The following POGZ variants were observed in gnomAD, a reference collection of about 807,000 sequenced individuals.
The protein encoded by POGZ is pogo transposable element derived with ZNF domain.
A neutral mutation model predicts 134.6 loss-of-function variants in POGZ; 17 were observed. The ratio of observed to expected loss-of-function variants is 0.13; its 90% CI spans 0.09 to 0.19. The LOEUF (loss-of-function observed/expected upper bound fraction) is 0.19, where lower values mean the gene tolerates loss of function less well. POGZ is among the 10% of genes least tolerant of loss of function. POGZ has a pLI of 1.00. For synonymous variants in POGZ, 693 were observed against 657.1 expected (o/e 1.05, Z -0.84); for missense variants, 1,306 against 1,769.7 (o/e 0.74, Z 4.70).
chr1:151,412,208 G>T lies in POGZ; in HGVS notation c.1779+88C>A, dbSNP rs1419260464. The T allele has an allele frequency of 1.0e-5, 7 of 699,588 alleles. No homozygotes were observed. The African/African-American group carries it at 1.2e-4, about 12-fold the overall frequency. 43.3% of individuals were successfully genotyped at this position (699,588 alleles called of 1,614,324 possible). On this transcript the variant is annotated intron_variant, in intron 11 of 18. Transcript: ENST00000271715. Reference sequence around the variant, plus strand: ...AGAGTTCCTAAACTGAGTGTATGCAGTAGGTGGTCAACAATATTCATTAGT... The same window carrying T: ...AGAGTTCCTAAACTGAGTGTATGCATTAGGTGGTCAACAATATTCATTAGT...
intron 10 of POGZ, among the ~76,000 whole-genome samples, chr1:151,416,136 A>G (rs1655606312): frequency 7.4e-6 from 1 of 134,962 alleles, no homozygotes; most frequent in African/African-American, 2.7e-5. Flanking sequence ...TGAACCTGTG[A>G]CGCGGAGGTT....
intron 11 of POGZ, among the ~76,000 whole-genome samples, chr1:151,412,002 T>C (rs1654773423): frequency 6.6e-6 from 1 of 152,210 alleles, no homozygotes; most frequent in African/African-American, 2.4e-5. Flanking sequence ...CCATGTTCTC[T>C]AACTAAGAAA....
chr1:151,457,193 C>T (rs1054100772), intron 1 of POGZ, among the ~76,000 whole-genome samples: 1 of 152,138 alleles, frequency 6.6e-6, no homozygotes, highest in Non-Finnish European at 1.5e-5. Context: ...AGGTTCGTCC[C>T]AAGAGTCCAT....
rs552471692 is a variant in POGZ, at chr1:151,454,881, G to A, written c.-2+4271C>T. The A allele has an allele frequency of 2.7e-3, 418 of 152,296 alleles. 8 individuals carry two copies. The highest frequency in any genetic ancestry group is 8.3e-4 in the South Asian group (4 of 4,826). 9.4% of individuals were successfully genotyped at this position (152,296 alleles called of 1,614,324 possible). ...TCCCAGCACTTTGGGAGGCCAAGGC[G>A]GGTCGATCAAGAGGTCAGGAGTTTG... On this transcript the variant is annotated intron_variant, in intron 1 of 18. Transcript: ENST00000271715.
intron 10 of POGZ, among the ~76,000 whole-genome samples, chr1:151,413,672 T>G (rs1655115708): frequency 7.0e-6 from 1 of 142,854 alleles, no homozygotes; most frequent in South Asian, 2.5e-4. Context: ...TTTTTTTAAC[T>G]ACCGAGAACC....
At position 151,404,795 on chromosome 1, in the gene POGZ, C is replaced by T. The variant is rs1423218622; in HGVS notation, c.*7G>A. ...CCTCACTCCACACCCCCTCATGACC[C>T]CAACACTCAAATCTCCATCAGATCT... is the stretch of plus-strand genomic sequence containing the variant. On this transcript the variant is annotated 3_prime_UTR_variant, in exon 19 of 19. Coordinates refer to ENST00000271715, the MANE Select transcript of POGZ (RefSeq NM_015100.4). 7 of 1,592,458 alleles carry T rather than the reference C, an allele frequency of 4.4e-6. No homozygotes were observed. The highest frequency in any genetic ancestry group is 5.1e-6 in the Non-Finnish European group (6 of 1,168,398).
At chr1:151,436,581 T>C (rs1374840320) in intron 3 of POGZ, among the ~76,000 whole-genome samples, 2 of 152,192 alleles carry the variant, frequency 1.3e-5, no homozygotes, top group Admixed American at 6.5e-5. Flanking sequence ...ATAGCTGGGA[T>C]TGCAGGCATG....
chr1:151,443,494 C>T (rs1466781341), intron 1 of POGZ, among the ~76,000 whole-genome samples: 1 of 152,126 alleles, frequency 6.6e-6, no homozygotes, highest in African/African-American at 2.4e-5. Flanking sequence ...GAGGTCGGAT[C>T]ACCTGAGATC....
chr1:151,413,491 T>C (rs1160184918), intron 10 of POGZ, among the ~76,000 whole-genome samples: 1 of 152,030 alleles, frequency 6.6e-6, no homozygotes, highest in Admixed American at 6.6e-5. Context: ...AAGAGAGAGA[T>C]TATTTACATT....
chr1:151,446,483 C>T (rs1312021334), intron 1 of POGZ, among the ~76,000 whole-genome samples: 6 of 152,068 alleles, frequency 3.9e-5, no homozygotes, highest in Non-Finnish European at 5.9e-5. Flanking sequence ...CGGCCGGGCG[C>T]GGTTGCTCAC....
chr1:151,452,683 G>A (rs1242837810), intron 1 of POGZ, among the ~76,000 whole-genome samples: 1 of 151,938 alleles, frequency 6.6e-6, no homozygotes, highest in Non-Finnish European at 1.5e-5. Flanking sequence ...GGCCAACACA[G>A]TGAAACCCCG....
Position 151,442,193 on chromosome 1 carries a change from G to A in POGZ, c.12C>T (p.Thr4=), listed in dbSNP as rs574654599. MAD[T]DLFMECEEEE... The stretch of plus-strand genomic sequence containing the variant: ...CCTCCTCACATTCCATGAACAGGTC[G>A]GTGTCCGCCATGCTATAAGAAAAAC... The change falls in exon 2 of 19, where the codon ACC becomes ACT. Residue 4 remains threonine (T), a synonymous_variant. Coordinates refer to ENST00000271715, the MANE Select transcript of POGZ (RefSeq NM_015100.4). The A allele has an allele frequency of 6.8e-6, 11 of 1,612,888 alleles. No homozygotes were observed. In the South Asian group the frequency reaches 8.8e-5, roughly 13 times the overall value.
chr1:151,416,017 C>G (rs1275976853), intron 10 of POGZ, among the ~76,000 whole-genome samples: 1 of 151,474 alleles, frequency 6.6e-6, no homozygotes, highest in Non-Finnish European at 1.5e-5. Context: ...AGTTCAAGAC[C>G]AGCCTGGCCA....
intron 10 of POGZ, among the ~76,000 whole-genome samples, chr1:151,420,396 A>G (rs1656684675): frequency 6.6e-6 from 1 of 152,082 alleles, no homozygotes; most frequent in Non-Finnish European, 1.5e-5. Flanking sequence ...GGTTCACTCT[A>G]GCCTTGACCT....
In POGZ at chr1:151,407,220, T is replaced by A. The variant is rs1236577907; in HGVS notation, c.2432+15A>T. ...ACCTGAAAAATTAAGATGCTGCCAA[T>A]AAGTTTTTTCTTACCTCACAGAATT... On this transcript the variant is annotated intron_variant, in intron 16 of 18. Transcript: ENST00000271715. The A allele has an allele frequency of 6.4e-7, 1 of 1,568,938 alleles. No individual in the cohort carries two copies. The highest frequency in any genetic ancestry group is 8.7e-7 in the Non-Finnish European group (1 of 1,147,580).
At chr1:151,414,866 C>A (rs1036331743) in intron 10 of POGZ, among the ~76,000 whole-genome samples, 2 of 152,148 alleles carry the variant, frequency 1.3e-5, no homozygotes, top group Non-Finnish European at 2.9e-5. Flanking sequence ...TTTAAGAGAT[C>A]TCTGGTAACC....
Position 151,405,698 on chromosome 1 carries a change from G to A in POGZ, c.3337C>T (p.His1113Tyr), listed in dbSNP as rs1259887848. ...ATAGACAAGGGTAAGTCCTGGTTGT[G>A]AATCTGCCGTTGTACAAAATCAATG... ...LFIDFVQRQI[H>Y]NQDLPLSMIV... The change falls in exon 19 of 19, where the codon CAC becomes TAC. Residue 1113 changes from histidine (H) to tyrosine (Y), a missense_variant. Physicochemically the swap from His to Tyr is moderately conservative, Grantham distance 83 (BLOSUM62 2). This residue lies in a region of POGZ where 161 missense variants were observed against 185.4 expected (regional missense o/e 0.87). Transcript: ENST00000271715. The surrounding 1 kb of genome is among the most constrained non-coding windows in gnomAD (Gnocchi z 4.9). 1.2e-6 allele frequency: 2 copies of A among 1,614,192 alleles called. No individual in the cohort carries two copies. The highest frequency in any genetic ancestry group is 1.7e-6 in the Non-Finnish European group (2 of 1,180,022).
Position 151,404,947 on chromosome 1 carries a change from T to G in POGZ, c.4088A>C (p.His1363Pro). ...GGGTCGTGGAGTGGAAGACTCAGAA[T>G]GTTCCCCACTCAGCTTCAGTTGCTC... is the stretch of plus-strand genomic sequence containing the variant. ...LEEQLKLSGE[H>P]SESSTPRPRS... The change falls in exon 19 of 19, where the codon CAT becomes CCT. Residue 1363 changes from histidine to proline, a missense_variant. Physicochemically the swap from His to Pro is moderately conservative, Grantham distance 77 (BLOSUM62 -2). Around this residue, in one of 10 missense-constraint regions of POGZ, gnomAD observed 107 missense variants for 97.9 expected, o/e 1.09. Coordinates refer to ENST00000271715, the MANE Select transcript of POGZ (RefSeq NM_015100.4). The G allele has an allele frequency of 6.2e-7, 1 of 1,614,170 alleles. No individual in the cohort carries two copies. The highest frequency in any genetic ancestry group is 8.5e-7 in the Non-Finnish European group (1 of 1,180,030).
chr1:151,408,721 C>A lies in POGZ; in HGVS notation c.2034G>T (p.Gln678His). 6.2e-7 allele frequency: 1 copy of A among 1,614,054 alleles called. No homozygotes were observed. Among genetic ancestry groups the A allele is most frequent in the Non-Finnish European group, 8.5e-7 (1 of 1,180,006 alleles). The change falls in exon 13 of 19, where the codon CAG becomes CAT. Residue 678 changes from glutamine (Q) to histidine (H), a missense_variant. By Grantham distance (24) the Gln-to-His change is conservative. Around this residue, in one of 10 missense-constraint regions of POGZ, gnomAD observed 149 missense variants for 237.5 expected, o/e 0.63. Coordinates refer to ENST00000271715, the MANE Select transcript of POGZ (RefSeq NM_015100.4). ...TGGTGCCTGGTTTCAAGCCCTCCAGCTGCTTGGGTTTACGGAAGGTTTTAT... is the reference window on the plus strand; with the variant it reads ...TGGTGCCTGGTTTCAAGCCCTCCAGATGCTTGGGTTTACGGAAGGTTTTAT... ...QHHKTFRKPK[Q>H]LEGLKPGTKV...
Sources: gnomAD v4.1 joint callset for allele counts (sites outside exome capture counted in the v4.1 genomes callset) on GRCh38, gnomAD v4.1.1 for gene constraint, gnomAD v4.1.1 regional missense constraint, Gnocchi (gnomAD v3.1) non-coding constraint, MANE v1.5 for transcripts, NCBI Gene and HGNC (gene_info 2026-07-23, HGNC 2026-07-21) for gene names.